SAMD3: variants seen among roughly 807,000 people sequenced by gnomAD.
The protein encoded by SAMD3 is sterile alpha motif domain containing 3, also known as sterile alpha motif domain-containing protein 3.
SAMD3 carries 63 observed loss-of-function variants against 58.5 expected under a neutral mutation model. The ratio of observed to expected loss-of-function variants is 1.08; its 90% CI spans 0.88 to 1.33. SAMD3 has a LOEUF of 1.33. SAMD3 is among the 40% of genes most tolerant of loss of function. The pLI, the probability that SAMD3 is intolerant of heterozygous loss-of-function variation, is 0.00. For missense variants in SAMD3, 604 were observed against 608.4 expected (o/e 0.99, Z 0.08); for synonymous variants, 220 against 210.3 (o/e 1.05, Z -0.40).
intron 5 of SAMD3, among the ~76,000 whole-genome samples, chr6:130,193,728 G>A (rs914525220): frequency 2.6e-5 from 4 of 152,090 alleles, no homozygotes; most frequent in South Asian, 2.1e-4. Context: ...ATACAAACTC[G>A]ACAGTAGTTC....
At chr6:130,259,454 A>G (rs1583017863) in intron 2 of SAMD3, among the ~76,000 whole-genome samples, 1 of 152,300 alleles carries the variant, frequency 6.6e-6, no homozygotes, top group South Asian at 2.1e-4. Flanking sequence ...GAGTGAGGAT[A>G]TTAATTTTTC....
intron 2 of SAMD3, among the ~76,000 whole-genome samples, chr6:130,298,163 C>T (rs1047715622): frequency 6.6e-6 from 1 of 152,010 alleles, no homozygotes; most frequent in Admixed American, 6.6e-5. Flanking sequence ...AAAGGAAATC[C>T]CATCAGACTA....
chr6:130,352,666 T>C (rs1319100574), intron 1 of SAMD3, among the ~76,000 whole-genome samples: 1 of 152,198 alleles, frequency 6.6e-6, no homozygotes, highest in Non-Finnish European at 1.5e-5. Flanking sequence ...CCAGTGTGTC[T>C]GTGGTCTTCA....
chr6:130,194,280 C>T (rs1582875024), intron 5 of SAMD3, among the ~76,000 whole-genome samples: 1 of 152,316 alleles, frequency 6.6e-6, no homozygotes, highest in Non-Finnish European at 1.5e-5. Context: ...AAATCCCAGC[C>T]CAGTTCATGG....
At chr6:130,328,734 T>A (rs1189577281) in intron 1 of SAMD3, among the ~76,000 whole-genome samples, 1 of 152,202 alleles carries the variant, frequency 6.6e-6, no homozygotes, top group African/African-American at 2.4e-5. Context: ...TAGAAAAGCC[T>A]TCCATTTGTT....
intron 1 of SAMD3, among the ~76,000 whole-genome samples, chr6:130,322,291 T>C (rs995996433): frequency 5.3e-5 from 8 of 152,050 alleles, no homozygotes; most frequent in African/African-American, 1.7e-4. Context: ...CCCAAGGAAG[T>C]TCTTTTTCTG....
At chr6:130,204,051 G>GA (rs77403275) in intron 5 of SAMD3, among the ~76,000 whole-genome samples, 3,851 of 144,184 alleles carry the variant, frequency 0.027, 67 homozygotes, top group Middle Eastern at 0.041. Context: ...TGGCCAGACC[G>GA]AAAAAAAAAA....
At chr6:130,298,823 G>T (rs548040440) in intron 2 of SAMD3, among the ~76,000 whole-genome samples, 1 of 146,362 alleles carries the variant, frequency 6.8e-6, no homozygotes, top group Admixed American at 7.1e-5. Context: ...AACAGCAGAG[G>T]TTACTATTTT....
chr6:130,297,401 T>G (rs752885503), intron 2 of SAMD3, among the ~76,000 whole-genome samples: 10 of 151,894 alleles, frequency 6.6e-5, no homozygotes, highest in Admixed American at 6.6e-4. Flanking sequence ...ATCCAAACAA[T>G]AGAAAATTCA....
intron 1 of SAMD3, among the ~76,000 whole-genome samples, chr6:130,329,927 A>G (rs1269618498): frequency 2.8e-5 from 4 of 145,178 alleles, no homozygotes; most frequent in African/African-American, 7.6e-5. Flanking sequence ...GGGTGGGGGG[A>G]AAGGGGAGGG....
chr6:130,290,532 G>T (rs1356608762), intron 2 of SAMD3, among the ~76,000 whole-genome samples: 1 of 152,124 alleles, frequency 6.6e-6, no homozygotes. Flanking sequence ...TAAACAACTG[G>T]GGTACAATTG....
intron 9 of SAMD3, 25 bp downstream of exon 9, chr6:130,154,800 G>T (rs544634139): frequency 1.6e-6 from 2 of 1,269,174 alleles, no homozygotes; most frequent in South Asian, 1.2e-5. Context: ...ATATGTGTGT[G>T]TATATATATA....
chr6:130,181,757 G>A (rs1792350900), intron 7 of SAMD3, among the ~76,000 whole-genome samples: 1 of 151,998 alleles, frequency 6.6e-6, no homozygotes, highest in South Asian at 2.1e-4. Context: ...AGCAAGGGCG[G>A]GTGGGAAACT....
intron 1 of SAMD3, among the ~76,000 whole-genome samples, chr6:130,318,244 C>T (rs1213697424): frequency 2.0e-5 from 3 of 151,964 alleles, no homozygotes; most frequent in African/African-American, 7.3e-5. Context: ...TAAAGTCAGG[C>T]CTGGACTATC....
intron 2 of SAMD3, among the ~76,000 whole-genome samples, chr6:130,308,403 C>CTATTCTATTCTATTCTATT (rs1776011668): frequency 2.1e-5 from 3 of 145,890 alleles, no homozygotes; most frequent in African/African-American, 7.8e-5. Flanking sequence ...CTATTCTATT[C>CTATTCTATTCTATTCTATT]TATTCTATTC....
At chr6:130,228,410 C>T (rs571928184) in intron 2 of SAMD3, among the ~76,000 whole-genome samples, 1 of 152,176 alleles carries the variant, frequency 6.6e-6, no homozygotes, top group Non-Finnish European at 1.5e-5. Flanking sequence ...GCTGGGCTAA[C>T]AAAATGGAAT....
intron 2 of SAMD3, among the ~76,000 whole-genome samples, chr6:130,275,086 G>A (rs2114941768): frequency 6.6e-6 from 1 of 152,256 alleles, no homozygotes; most frequent in Non-Finnish European, 1.5e-5. Flanking sequence ...ATTCTTAGGT[G>A]AGTTGTATGC....
chr6:130,231,989 T>C (rs772205380), intron 2 of SAMD3, among the ~76,000 whole-genome samples: 4 of 152,180 alleles, frequency 2.6e-5, no homozygotes, highest in Non-Finnish European at 5.9e-5. Context: ...AGTAATATGA[T>C]TGGGGATACA....
chr6:130,306,711 G>A (rs1434721612), intron 2 of SAMD3, among the ~76,000 whole-genome samples: 1 of 152,204 alleles, frequency 6.6e-6, no homozygotes, highest in African/African-American at 2.4e-5. Context: ...TACAGGGCAA[G>A]TATGGAGTAG....
Sources: allele counts gnomAD v4.1 joint callset (sites outside exome capture counted in the v4.1 genomes callset), GRCh38; gene constraint gnomAD v4.1.1; transcripts MANE v1.5; gene names NCBI Gene and HGNC (gene_info 2026-07-23, HGNC 2026-07-21).